Variants in PCMT1 observed in about 807,000 individuals in gnomAD.
PCMT1 encodes the protein protein-L-isoaspartate(D-aspartate) O-methyltransferase.
A neutral mutation model predicts 29.2 loss-of-function variants in PCMT1; 9 were observed. That is an observed-to-expected ratio of 0.31 (90% CI 0.19 to 0.54). The LOEUF (loss-of-function observed/expected upper bound fraction) is 0.54, where lower values mean the gene tolerates loss of function less well. PCMT1 is among the 20% of genes least tolerant of loss of function. The pLI is 0.95. For synonymous variants in PCMT1, 98 were observed against 97.5 expected (o/e 1.00, Z -0.03); for missense variants, 184 against 282.2 (o/e 0.65, Z 2.49).
chr6:149,765,743 G>T (rs1196803429), intron 1 of PCMT1: 1 of 337,828 alleles, frequency 3.0e-6, no homozygotes, highest in Non-Finnish European at 5.6e-6. Flanking sequence ...GAGGAAGGTG[G>T]ATCACCTAAG....
intron 1 of PCMT1, chr6:149,750,245 G>A (rs1363326725): frequency 4.4e-6 from 2 of 452,420 alleles, no homozygotes; most frequent in Non-Finnish European, 3.9e-6. Flanking sequence ...GTGCAGTACA[G>A]GTGATGCTGC....
At position 149,754,271 on chromosome 6, in the gene PCMT1, A is replaced by G. The variant is rs577135316; in HGVS notation, c.55+4315A>G. Among the ~76,000 whole-genome samples, 4 of 152,328 alleles carry G rather than the reference A, an allele frequency of 2.6e-5. No individual in the cohort carries two copies. The South Asian group carries it at 6.2e-4, about 24-fold the overall frequency. ...ATGTATCCAGTAGTTACCATATTGG[A>G]CAGCACAGGTCTCTAGAAATGAAAA... On this transcript the variant is annotated intron_variant, in intron 1 of 7. Coordinates refer to ENST00000464889, the MANE Select transcript of PCMT1 (RefSeq NM_001360452.2).
chr6:149,771,131 C>G, intron 1 of PCMT1, 31 bp from the exon 2 acceptor site: 1 of 1,242,760 alleles, frequency 8.0e-7, no homozygotes, highest in Non-Finnish European at 1.2e-6. Context: ...ATGTCTCTCT[C>G]TTCTGAAAAT....
At chr6:149,751,645 C>A (rs1457302793) in intron 1 of PCMT1, among the ~76,000 whole-genome samples, 1 of 151,824 alleles carries the variant, frequency 6.6e-6, no homozygotes, top group Non-Finnish European at 1.5e-5. Context: ...GCACGCCTGG[C>A]TAATTTTTGT....
intron 3 of PCMT1, among the ~76,000 whole-genome samples, chr6:149,773,515 A>T (rs1787426697): frequency 6.6e-6 from 1 of 152,164 alleles, no homozygotes; most frequent in Non-Finnish European, 1.5e-5. Context: ...AGGAGCTGGG[A>T]CTACAGGTGC....
intron 3 of PCMT1, among the ~76,000 whole-genome samples, chr6:149,789,728 TAA>T (rs1554255555): frequency 5.3e-5 from 8 of 150,912 alleles, no homozygotes; most frequent in Non-Finnish European, 7.4e-5. Context: ...AATTAAAAGT[TAA>T]AAATTCACAC....
chr6:149,761,754 C>T lies in PCMT1; in HGVS notation c.56-9408C>T, dbSNP rs9480114. ...AAGAAAGGGTATTAGGGAGTTCCCG[C>T]TCTCATTTCCTAATTGATTGACAGT... is the stretch of plus-strand genomic sequence containing the variant. On this transcript the variant is annotated intron_variant, in intron 1 of 7. Coordinates refer to ENST00000464889, the MANE Select transcript of PCMT1 (RefSeq NM_001360452.2). Among the ~76,000 whole-genome samples the T allele has an allele frequency of 5.2e-3, 799 of 152,220 alleles. 7 individuals carry two copies. Among genetic ancestry groups the T allele is most frequent in the African/African-American group, 0.019 (771 of 41,546 alleles).
chr6:149,762,374 G>A (rs532822781), intron 1 of PCMT1, among the ~76,000 whole-genome samples: 2 of 151,332 alleles, frequency 1.3e-5, no homozygotes, highest in South Asian at 2.1e-4. Flanking sequence ...CTCTCAAGCT[G>A]TTCTCTATTT....
At chr6:149,770,730 C>T (rs1180963853) in intron 1 of PCMT1, among the ~76,000 whole-genome samples, 1 of 144,524 alleles carries the variant, frequency 6.9e-6, no homozygotes, top group East Asian at 2.1e-4. Context: ...AAAGCCGGGT[C>T]CAGTGGCTCA....
chr6:149,764,102 G>T lies in PCMT1; in HGVS notation c.56-7060G>T, dbSNP rs574617647. 5.5e-3 allele frequency among the ~76,000 whole-genome samples: 832 copies of T among 152,304 alleles called. 7 individuals carry two copies. Among genetic ancestry groups the T allele is most frequent in the African/African-American group, 0.019 (792 of 41,556 alleles). On this transcript the variant is annotated intron_variant, in intron 1 of 7. Coordinates refer to ENST00000464889, the MANE Select transcript of PCMT1 (RefSeq NM_001360452.2). ...TGAGAGTCTATGAATCACCCTCTGG[G>T]ATTTGAATTAATTTCAGGGGAAATG...
intron 3 of PCMT1, among the ~76,000 whole-genome samples, chr6:149,786,393 G>T (rs1788082322): frequency 7.3e-6 from 1 of 136,080 alleles, no homozygotes; most frequent in Admixed American, 7.2e-5. Flanking sequence ...CTCCCGGACG[G>T]GGTGGCTGGC....
intron 7 of PCMT1, among the ~76,000 whole-genome samples, chr6:149,805,687 C>T (rs566577071): frequency 3.9e-5 from 6 of 152,012 alleles, no homozygotes; most frequent in Non-Finnish European, 8.8e-5. Flanking sequence ...CCTGTAATCC[C>T]AGCACTTTGG....
chr6:149,751,911 C>T (rs1277760444), intron 1 of PCMT1, among the ~76,000 whole-genome samples: 1 of 151,300 alleles, frequency 6.6e-6, no homozygotes, highest in South Asian at 2.1e-4. Flanking sequence ...GTTTCACTGT[C>T]ACCCAGGTTG....
At chr6:149,796,683 A>C in intron 6 of PCMT1, 183 bp downstream of exon 6, 1 of 467,826 alleles carries the variant, frequency 2.1e-6, no homozygotes, top group Non-Finnish European at 3.8e-6. Flanking sequence ...ATGACATGAA[A>C]ATTACTAAAC....
intron 4 of PCMT1, among the ~76,000 whole-genome samples, chr6:149,790,387 C>T (rs1253969944): frequency 1.3e-5 from 2 of 152,152 alleles, no homozygotes; most frequent in Admixed American, 6.5e-5. Context: ...TACTTTCCTC[C>T]ACATGTTGGT....
rs61038108 is a variant in PCMT1 at position 149,756,512 on chromosome 6, C to CTTTTTTT, written c.55+6582_55+6588dup. The stretch of plus-strand genomic sequence containing the variant: ...TACAGATGCACACCACCATGACTGG[C>CTTTTTTT]TTTTTTTTTTTTTTTTTTTTTTTTT... On this transcript the variant is annotated intron_variant, in intron 1 of 7. Coordinates refer to ENST00000464889, the MANE Select transcript of PCMT1 (RefSeq NM_001360452.2). 5.0e-4 allele frequency among the ~76,000 whole-genome samples: 37 copies of CTTTTTTT among 74,714 alleles called. 3 individuals carry two copies. Among genetic ancestry groups the CTTTTTTT allele is most frequent in the Non-Finnish European group, 7.4e-4 (28 of 38,062 alleles). 49.0% of individuals were successfully genotyped at this position (74,714 alleles called of 152,430 possible).
chr6:149,784,471 C>T (rs1787941557), intron 3 of PCMT1, among the ~76,000 whole-genome samples: 4 of 151,726 alleles, frequency 2.6e-5, no homozygotes, highest in African/African-American at 7.3e-5. Context: ...TTATTTAACT[C>T]TCTCTTTTTT....
At chr6:149,769,223 G>T (rs1010526123) in intron 1 of PCMT1, among the ~76,000 whole-genome samples, 1 of 149,332 alleles carries the variant, frequency 6.7e-6, no homozygotes, top group Non-Finnish European at 1.5e-5. Flanking sequence ...CCTCCTGTTA[G>T]TATAGCATCC....
At chr6:149,810,280 A>G (rs1417325459) in intron 7 of PCMT1, among the ~76,000 whole-genome samples, 1 of 152,196 alleles carries the variant, frequency 6.6e-6, no homozygotes, top group East Asian at 1.9e-4. Context: ...AAAACACTTA[A>G]GTTGTCATTT....
Sources: allele counts gnomAD v4.1 joint callset (sites outside exome capture counted in the v4.1 genomes callset), GRCh38; gene constraint gnomAD v4.1.1; transcripts MANE v1.5; gene names NCBI Gene and HGNC (gene_info 2026-07-23, HGNC 2026-07-21).